CSNK1G1: variants seen among roughly 807,000 people sequenced by gnomAD.
The protein encoded by CSNK1G1 is casein kinase 1 gamma 1.
Under a neutral mutation model 59.6 loss-of-function variants are expected in CSNK1G1, and 22 were observed. The observed-to-expected ratio is 0.37, with a 90% CI of 0.26 to 0.53. The LOEUF (loss-of-function observed/expected upper bound fraction) is 0.53. CSNK1G1 is among the 20% of genes least tolerant of loss of function. The pLI, the probability that CSNK1G1 is intolerant of heterozygous loss-of-function variation, is 0.89. For synonymous variants in CSNK1G1, 179 were observed against 177.1 expected (o/e 1.01, Z -0.08); for missense variants, 384 against 519.5 (o/e 0.74, Z 2.54).
intron 10 of CSNK1G1, among the ~76,000 whole-genome samples, chr15:64,195,930 T>C (rs1438325718): frequency 6.6e-6 from 1 of 152,166 alleles, no homozygotes; most frequent in African/African-American, 2.4e-5. Flanking sequence ...AAAATTTATG[T>C]TCAAAAAAAT....
At chr15:64,279,798 C>T (rs1236867516) in intron 2 of CSNK1G1, among the ~76,000 whole-genome samples, 1 of 151,854 alleles carries the variant, frequency 6.6e-6, no homozygotes, top group Non-Finnish European at 1.5e-5. Flanking sequence ...ATAGTGAAAT[C>T]CCATCTCTAC....
chr15:64,235,021 A>G (rs942332974), intron 4 of CSNK1G1, among the ~76,000 whole-genome samples: 23 of 152,200 alleles, frequency 1.5e-4, no homozygotes, highest in Non-Finnish European at 2.9e-4. Flanking sequence ...TGATACTGGT[A>G]GACGCAAGCT....
chr15:64,321,727 T>C (rs931657567), intron 1 of CSNK1G1, among the ~76,000 whole-genome samples: 5 of 152,228 alleles, frequency 3.3e-5, no homozygotes, highest in African/African-American at 1.2e-4. Flanking sequence ...AATTTAAAAG[T>C]GTCTGGTCAA....
In CSNK1G1 at chr15:64,300,372, T is replaced by C. The variant is rs757397243; in HGVS notation, c.128A>G (p.Asn43Ser). The C allele has an allele frequency of 6.2e-7, 1 of 1,614,198 alleles. No homozygotes were observed. The stretch of plus-strand genomic sequence containing the variant: ...TCCTATCTTCTTGCCAACCCTGAAG[T>C]TGGGTCCCACCATAAGAACCCCAGA... ...SSSGVLMVGP[N>S]FRVGKKIGCG... The change falls in exon 2 of 12, where the codon AAC becomes AGC. Residue 43 changes from asparagine to serine, a missense_variant. Asn to Ser is a conservative substitution (Grantham distance 46). Transcript: ENST00000303052.
intron 1 of CSNK1G1, among the ~76,000 whole-genome samples, chr15:64,315,238 T>A (rs1343704194): frequency 6.6e-6 from 1 of 152,156 alleles, no homozygotes; most frequent in Non-Finnish European, 1.5e-5. Flanking sequence ...GGAGCCAACC[T>A]TGTCAAGAGC....
intron 11 of CSNK1G1, among the ~76,000 whole-genome samples, chr15:64,174,842 C>A (rs1404211846): frequency 1.3e-5 from 2 of 152,176 alleles, no homozygotes; most frequent in Non-Finnish European, 2.9e-5. Context: ...ACAGTGTTTA[C>A]AAGGACTTCT....
intron 1 of CSNK1G1, among the ~76,000 whole-genome samples, chr15:64,337,294 G>C (rs945029578): frequency 6.6e-6 from 1 of 152,100 alleles, no homozygotes; most frequent in Non-Finnish European, 1.5e-5. Flanking sequence ...AAAAATGAGA[G>C]TGAAACTTCA....
intron 2 of CSNK1G1, among the ~76,000 whole-genome samples, chr15:64,275,508 T>G (rs979726282): frequency 6.6e-6 from 1 of 152,232 alleles, no homozygotes; most frequent in Non-Finnish European, 1.5e-5. Context: ...AAGGCAAGAA[T>G]AATTTTTTCT....
At chr15:64,343,356 G>T (rs1039159789) in intron 1 of CSNK1G1, among the ~76,000 whole-genome samples, 1 of 152,084 alleles carries the variant, frequency 6.6e-6, no homozygotes, top group Non-Finnish European at 1.5e-5. Context: ...CTCCCACCCT[G>T]TGCTGGCCTA....
chr15:64,231,069 G>A (rs963173706), intron 4 of CSNK1G1, among the ~76,000 whole-genome samples: 1 of 151,916 alleles, frequency 6.6e-6, no homozygotes, highest in African/African-American at 2.4e-5. Flanking sequence ...GCTCACACCT[G>A]TAATCTCAGC....
At chr15:64,178,225 A>T (rs1026784053) in intron 11 of CSNK1G1, among the ~76,000 whole-genome samples, 1 of 152,174 alleles carries the variant, frequency 6.6e-6, no homozygotes, top group African/African-American at 2.4e-5. Context: ...ATGGAAATCG[A>T]AAAACTGTGA....
rs2081667716 is a variant in CSNK1G1 at position 64,171,725 on chromosome 15, A to G, written c.*206T>C. 8.3e-6 allele frequency: 5 copies of G among 604,350 alleles called. No individual in the cohort carries two copies. The East Asian group carries it at 1.1e-4, about 13-fold the overall frequency. The allele number at this position is 604,350 out of a possible 1,614,324, so 37.4% of individuals were successfully genotyped here. On this transcript the variant is annotated 3_prime_UTR_variant, in exon 12 of 12. Transcript: ENST00000303052. This position sits in a 1 kb window ranked among gnomAD's most constrained non-coding sequence, Gnocchi z 4.8. ...GGAACAGCAGCTCTGGGACCTGCTC[A>G]GAGCCTTAGGCAGGCGGAGATGGCC... is the stretch of plus-strand genomic sequence containing the variant.
rs895173092 is a variant in CSNK1G1, at chr15:64,188,228, G to A, written c.1108-7774C>T. ...ATTTTAACAAGCGACTCTTACCCAA[G>A]TCCACCTAGACAGAAAATCTACAGA... On this transcript the variant is annotated intron_variant, in intron 10 of 11. Transcript: ENST00000303052. The surrounding 1 kb of genome is among the most constrained non-coding windows in gnomAD (Gnocchi z 4.2). 1 of 585,712 alleles carries A rather than the reference G, an allele frequency of 1.7e-6. No homozygotes were observed. The highest frequency in any genetic ancestry group is 1.9e-5 in the African/African-American group (1 of 53,622). The allele number at this position is 585,712 out of a possible 1,614,324, so 36.3% of individuals were successfully genotyped here. A position where few individuals can be genotyped will look rare whatever the true frequency, so the allele number is the denominator to read the frequency against.
At chr15:64,199,250 C>CAAAAA (rs56819260) in intron 10 of CSNK1G1, among the ~76,000 whole-genome samples, 145 of 52,266 alleles carry the variant, frequency 2.8e-3, no homozygotes, top group Middle Eastern at 0.011. Flanking sequence ...AATCTTTTCT[C>CAAAAA]AAAAAAAAAA....
At chr15:64,173,623 T>C (rs544793492) in intron 11 of CSNK1G1, among the ~76,000 whole-genome samples, 46 of 139,642 alleles carry the variant, frequency 3.3e-4, no homozygotes, top group Non-Finnish European at 3.7e-4. Flanking sequence ...TCTTTTCTTT[T>C]TTTTTTTTTT....
intron 1 of CSNK1G1, among the ~76,000 whole-genome samples, chr15:64,310,259 G>A (rs919560589): frequency 6.6e-6 from 1 of 152,082 alleles, no homozygotes; most frequent in African/African-American, 2.4e-5. Flanking sequence ...AAGTAGGTGA[G>A]AGGTAGAAAA....
chr15:64,332,668 G>A, intron 1 of CSNK1G1, among the ~76,000 whole-genome samples: 1 of 139,148 alleles, frequency 7.2e-6, no homozygotes, highest in African/African-American at 2.7e-5. Flanking sequence ...AAAACTTAAA[G>A]TATAATTAAA....
intron 4 of CSNK1G1, among the ~76,000 whole-genome samples, chr15:64,243,187 T>C (rs1051000625): frequency 6.6e-6 from 1 of 152,002 alleles, no homozygotes; most frequent in East Asian, 1.9e-4. Context: ...AATACAAAAA[T>C]TAGCTAGGTG....
intron 10 of CSNK1G1, among the ~76,000 whole-genome samples, chr15:64,201,750 G>GTGTGTGTGTGTGTT (rs747607584): frequency 9.4e-5 from 10 of 106,316 alleles, no homozygotes; most frequent in African/African-American, 4.2e-4. Flanking sequence ...GTGTGTGTGT[G>GTGTGTGTGTGTGTT]TTTATATACT....
Sources: allele counts gnomAD v4.1 joint callset (sites outside exome capture counted in the v4.1 genomes callset), GRCh38; gene constraint gnomAD v4.1.1; non-coding constraint Gnocchi (gnomAD v3.1); transcripts MANE v1.5; gene names NCBI Gene and HGNC (gene_info 2026-07-23, HGNC 2026-07-21).